RPIA: variants seen among roughly 807,000 people sequenced by gnomAD.
The protein encoded by RPIA is ribose 5-phosphate isomerase A, also known as ribose-5-phosphate isomerase.
In RPIA, 29 loss-of-function variants were observed where a neutral mutation model predicts 37.8. The ratio of observed to expected loss-of-function variants is 0.77; its 90% confidence interval spans 0.57 to 1.05. The LOEUF is 1.05. RPIA is among the 50% of genes least tolerant of loss of function. The pLI is 0.00. For missense variants in RPIA, 385 were observed against 413.6 expected (o/e 0.93, Z 0.60); for synonymous variants, 167 against 157.0 (o/e 1.06, Z -0.48).
chr2:88,713,285 C>T (rs989888987), intron 3 of RPIA, among the ~76,000 whole-genome samples: 2 of 150,760 alleles, frequency 1.3e-5, no homozygotes, highest in African/African-American at 4.9e-5. Context: ...CCTCAGCCTC[C>T]TGAATAGCTG....
In RPIA at chr2:88,729,230, C is replaced by T. The variant is rs371097529; in HGVS notation, c.403-48C>T. On this transcript the variant is annotated intron_variant, in intron 3 of 8. Transcript: ENST00000283646. ...CCAGAAGAATTCTGAGAATCCTTGT[C>T]ATGAACTCAAGTAAATGATCGTGGT... 3 of 1,591,274 alleles carry T rather than the reference C, an allele frequency of 1.9e-6. No individual in the cohort carries two copies. In the African/African-American group the frequency reaches 4.0e-5, roughly 21 times the overall value.
chr2:88,698,912 G>C (rs571326546), intron 2 of RPIA, among the ~76,000 whole-genome samples: 1 of 152,326 alleles, frequency 6.6e-6, no homozygotes, highest in African/African-American at 2.4e-5. Flanking sequence ...TAGTGGGTTT[G>C]CCCTGTCCAT....
intron 3 of RPIA, among the ~76,000 whole-genome samples, chr2:88,712,891 G>A (rs536067626): frequency 2.0e-5 from 3 of 150,984 alleles, no homozygotes; most frequent in East Asian, 1.9e-4. Context: ...TTTTTTAGAC[G>A]GTGTCTTGCT....
intron 7 of RPIA, among the ~76,000 whole-genome samples, chr2:88,737,456 A>G (rs1359276696): frequency 6.6e-6 from 1 of 152,246 alleles, no homozygotes; most frequent in East Asian, 1.9e-4. Context: ...TTGTCGGCAC[A>G]TGAAAGAAAT....
rs770755355 is a variant in RPIA at position 88,750,752 on chromosome 2, C to G, written c.*674C>G. 4 of 398,808 alleles carry G rather than the reference C, an allele frequency of 1.0e-5. No homozygotes were observed. Among genetic ancestry groups the G allele is most frequent in the Non-Finnish European group, 1.8e-5 (4 of 226,102 alleles). 24.7% of individuals were successfully genotyped at this position (398,808 alleles called of 1,614,324 possible). A position where few individuals can be genotyped will look rare whatever the true frequency, so the allele number is the denominator to read the frequency against. On this transcript the variant is annotated 3_prime_UTR_variant, in exon 9 of 9. Transcript: ENST00000283646. ...GGAAGCAGTTGACCAGAAATGCTTGCCAGTACTGCCAAAGCACTGCTGTGA... is the reference window on the plus strand; with the variant it reads ...GGAAGCAGTTGACCAGAAATGCTTGGCAGTACTGCCAAAGCACTGCTGTGA...
At chr2:88,749,620 C>G (rs544414598) in intron 8 of RPIA, among the ~76,000 whole-genome samples, 8 of 152,080 alleles carry the variant, frequency 5.3e-5, no homozygotes, top group Non-Finnish European at 1.2e-4. Flanking sequence ...CATGGAGGGT[C>G]TCTAGAGGAT....
In RPIA at chr2:88,735,787, C is replaced by A. The variant is rs142068446; in HGVS notation, c.596+50C>A. The stretch of plus-strand genomic sequence containing the variant: ...CCAACTGAGGAGGTAGATTGGATCC[C>A]CAAGCCGCATCCCCATTTTTGTGAA... On this transcript the variant is annotated intron_variant, in intron 6 of 8. Coordinates refer to ENST00000283646, the MANE Select transcript of RPIA (RefSeq NM_144563.3). The A allele has an allele frequency of 7.1e-5, 111 of 1,554,716 alleles. 1 individual carries two copies. The East Asian group carries it at 2.2e-3, about 31-fold the overall frequency.
chr2:88,716,790 C>A (rs1426553146), intron 3 of RPIA, among the ~76,000 whole-genome samples: 4 of 152,186 alleles, frequency 2.6e-5, no homozygotes, highest in Non-Finnish European at 5.9e-5. Flanking sequence ...AAGAGAAAAA[C>A]TCCCCCTTTG....
intron 3 of RPIA, among the ~76,000 whole-genome samples, chr2:88,707,031 T>G (rs943154975): frequency 6.6e-6 from 1 of 152,222 alleles, no homozygotes; most frequent in African/African-American, 2.4e-5. Flanking sequence ...ATGTATACCT[T>G]GTGTTTCTGC....
chr2:88,711,620 C>T (rs957361977), intron 3 of RPIA, among the ~76,000 whole-genome samples: 1 of 152,126 alleles, frequency 6.6e-6, no homozygotes, highest in Non-Finnish European at 1.5e-5. Flanking sequence ...ATTAATTCTC[C>T]CCTGGGTCAA....
chr2:88,722,266 G>A (rs1407290120), intron 3 of RPIA, among the ~76,000 whole-genome samples: 1 of 151,370 alleles, frequency 6.6e-6, no homozygotes, highest in Non-Finnish European at 1.5e-5. Context: ...AACAAAAATT[G>A]TTCACCTTTT....
chr2:88,699,960 A>G (rs1359172438), intron 2 of RPIA, 49 bp from the exon 3 acceptor site: 1 of 1,593,938 alleles, frequency 6.3e-7, no homozygotes, highest in Non-Finnish European at 8.6e-7. Flanking sequence ...GACAAGAAGA[A>G]TAAAGTAAGG....
rs148620143 is a variant in RPIA, at chr2:88,735,757, A to T, written c.596+20A>T. The T allele has an allele frequency of 6.7e-4, 1,083 of 1,612,376 alleles. 3 individuals carry two copies. The African/African-American group carries it at 8.8e-3, about 13-fold the overall frequency. On this transcript the variant is annotated intron_variant, in intron 6 of 8. Transcript: ENST00000283646. ...TTTCAGGTACAGTTTCTGGTGTCTG[A>T]GCTGCCAACTGAGGAGGTAGATTGG...
chr2:88,726,443 G>T (rs919877123), intron 3 of RPIA, among the ~76,000 whole-genome samples: 3 of 151,874 alleles, frequency 2.0e-5, no homozygotes, highest in Admixed American at 1.3e-4. Context: ...TCTTCTTCCA[G>T]TGTGACCCAG....
chr2:88,698,775 C>T (rs1444788227), intron 2 of RPIA, among the ~76,000 whole-genome samples: 1 of 152,224 alleles, frequency 6.6e-6, no homozygotes. Flanking sequence ...TTTGTTTACT[C>T]TGCTCAGCTG....
At chr2:88,723,735 G>A (rs1673162145) in intron 3 of RPIA, among the ~76,000 whole-genome samples, 1 of 152,116 alleles carries the variant, frequency 6.6e-6, no homozygotes, top group Non-Finnish European at 1.5e-5. Context: ...CCAAAGTTGA[G>A]GACACGTGCC....
chr2:88,691,832 G>T lies in RPIA; in HGVS notation c.134G>T (p.Gly45Val). The change falls in exon 1 of 9, where the codon GGG becomes GTG. Residue 45 changes from glycine (G) to valine (V), a missense_variant. Coordinates refer to ENST00000283646, the MANE Select transcript of RPIA (RefSeq NM_144563.3). ...DLPGSHVRLP[G>V]RAQSGTRGGA... ...CCGGGTTCCCACGTGCGGCTGCCGG[G>T]GCGTGCACAGTCTGGGACCCGTGGC... is the stretch of plus-strand genomic sequence containing the variant. The T allele has an allele frequency of 6.3e-7, 1 of 1,598,880 alleles. No homozygotes were observed. The highest frequency in any genetic ancestry group is 8.5e-7 in the Non-Finnish European group (1 of 1,174,354).
chr2:88,698,608 A>G (rs906145518), intron 2 of RPIA, 64 bp downstream of exon 2: 8 of 1,479,864 alleles, frequency 5.4e-6, no homozygotes, highest in African/African-American at 1.4e-5. Context: ...GGTAGAGGAG[A>G]GGGAGGAAGT....
At chr2:88,725,848 G>A (rs535524618) in intron 3 of RPIA, among the ~76,000 whole-genome samples, 153 of 152,328 alleles carry the variant, frequency 1.0e-3, no homozygotes, top group African/African-American at 3.4e-3. Flanking sequence ...CAAGTCACAG[G>A]TTGGGAGAAG....
Sources: gnomAD v4.1 joint callset for allele counts (sites outside exome capture counted in the v4.1 genomes callset) on GRCh38, gnomAD v4.1.1 for gene constraint, MANE v1.5 for transcripts, NCBI Gene and HGNC (gene_info 2026-07-23, HGNC 2026-07-21) for gene names.